IPO7: variants seen among roughly 807,000 people sequenced by gnomAD.
IPO7 encodes the protein importin 7, also known as importin-7.
IPO7 carries 13 observed loss-of-function variants against 136.4 expected under a neutral mutation model. The ratio of observed to expected loss-of-function variants is 0.10; its 90% confidence interval spans 0.06 to 0.15. The LOEUF is 0.15. Among genes scored for constraint, IPO7 ranks in the 10% least tolerant of loss-of-function variants. IPO7 has a pLI of 1.00. For synonymous variants in IPO7, 403 were observed against 404.4 expected, an observed-to-expected ratio of 1.00 and a Z score of 0.04; for missense variants, 857 against 1,240.6, an observed-to-expected ratio of 0.69 and a Z score of 4.65.
At chr11:9,388,369 G>T (rs376119819) in intron 1 of IPO7, among the ~76,000 whole-genome samples, 257 of 151,912 alleles carry the variant, frequency 1.7e-3, no homozygotes, top group African/African-American at 5.3e-3. Context: ...CAGAGATGGG[G>T]TTTTACCATG....
In IPO7 at chr11:9,440,601, A is replaced by G. The variant is rs376191881; in HGVS notation, c.2842A>G (p.Ile948Val). The G allele has an allele frequency of 2.6e-5, 42 of 1,613,996 alleles. No homozygotes were observed. Among genetic ancestry groups the G allele is most frequent in the Middle Eastern group, 1.7e-4 (1 of 6,060 alleles). ...GACTGCTCTGGAAGGCTATTCCACA[A>G]TCATTGATGATGAAGATAACCCTGT... ...EETALEGYST[I>V]IDDEDNPVDE... The change falls in exon 23 of 25, where the codon ATC (isoleucine) becomes GTC (valine). Residue 948 changes from isoleucine (I) to valine (V), a missense_variant. Around this residue, in one of 11 missense-constraint regions of IPO7, gnomAD observed 119 missense variants for 155.5 expected, o/e 0.77. Coordinates refer to ENST00000379719, the MANE Select transcript of IPO7 (RefSeq NM_006391.3).
intron 3 of IPO7, among the ~76,000 whole-genome samples, chr11:9,409,357 C>T (rs1271468761): frequency 6.6e-6 from 1 of 152,124 alleles, no homozygotes; most frequent in African/African-American, 2.4e-5. Flanking sequence ...GATCCACCTG[C>T]CTAGGCCTCA....
chr11:9,446,491 T>G lies in IPO7; in HGVS notation c.*1297T>G, dbSNP rs1855530010. The G allele has an allele frequency of 6.6e-6, 1 of 152,220 alleles. No individual in the cohort carries two copies. Among genetic ancestry groups the G allele is most frequent in the African/African-American group, 2.4e-5 (1 of 41,460 alleles). The allele number at this position is 152,220 out of a possible 1,614,324, so 9.4% of individuals were successfully genotyped here. A position where few individuals can be genotyped will look rare whatever the true frequency, so the allele number is the denominator to read the frequency against. On this transcript the variant is annotated 3_prime_UTR_variant, in exon 25 of 25. Coordinates refer to ENST00000379719, the MANE Select transcript of IPO7 (RefSeq NM_006391.3). ...CAAAAACAAGCCAGCAAAAAGATAC[T>G]GTAGAGAGGTTGGCTTGCTTCCCTC...
In IPO7 at chr11:9,408,218, G is replaced by A. The variant is rs77703888; in HGVS notation, c.167-268G>A. ...AAAACAGGGTTAAAAGTGTTGTGAC[G>A]TTAAAAAAAAACAGTTTTCTCTGGG... On this transcript the variant is annotated intron_variant, in intron 2 of 24. Coordinates refer to ENST00000379719, the MANE Select transcript of IPO7 (RefSeq NM_006391.3). Among the ~76,000 whole-genome samples, 1,406 of 151,822 alleles carry A rather than the reference G, an allele frequency of 9.3e-3. 23 individuals are homozygous for A. Among genetic ancestry groups the A allele is most frequent in the African/African-American group, 0.031 (1,302 of 41,440 alleles).
intron 1 of IPO7, among the ~76,000 whole-genome samples, chr11:9,390,314 A>G (rs1311866888): frequency 6.6e-6 from 1 of 150,490 alleles, no homozygotes; most frequent in East Asian, 1.9e-4. Context: ...TTTTTAACTC[A>G]CACTACCCTG....
At chr11:9,387,692 G>A (rs1462500584) in intron 1 of IPO7, among the ~76,000 whole-genome samples, 1 of 151,934 alleles carries the variant, frequency 6.6e-6, no homozygotes, top group Non-Finnish European at 1.5e-5. Flanking sequence ...TTAGCTGGGC[G>A]CGGTGGCGCA....
intron 8 of IPO7, among the ~76,000 whole-genome samples, chr11:9,421,499 G>C (rs932259206): frequency 6.7e-6 from 1 of 150,172 alleles, no homozygotes; most frequent in African/African-American, 2.5e-5. Context: ...GTGGTGGTGC[G>C]TGCCTGTAAT....
chr11:9,425,139 A>T lies in IPO7; in HGVS notation c.1219-7A>T. On this transcript the variant is annotated splice_polypyrimidine_tract_variant and splice_region_variant and intron_variant, in intron 11 of 24. Transcript: ENST00000379719. ...TTCAGTAACAATACTTTTCTCTTTT[A>T]ATCTAGGTACTGCAAAAGACTATGG... 6.4e-7 allele frequency: 1 copy of T among 1,558,368 alleles called. No individual in the cohort carries two copies. The highest frequency in any genetic ancestry group is 8.8e-7 in the Non-Finnish European group (1 of 1,131,074).
At chr11:9,396,344 C>G (rs536869578) in intron 1 of IPO7, among the ~76,000 whole-genome samples, 1 of 152,112 alleles carries the variant, frequency 6.6e-6, no homozygotes, top group Non-Finnish European at 1.5e-5. Context: ...TGCAGTGAGC[C>G]GAGATTGCGC....
In IPO7 at chr11:9,437,760, C is replaced by T. The variant is rs1855400377; in HGVS notation, c.2275C>T (p.Pro759Ser). The T allele has an allele frequency of 6.2e-7, 1 of 1,610,206 alleles. No homozygotes were observed. Among genetic ancestry groups the T allele is most frequent in the Non-Finnish European group, 8.5e-7 (1 of 1,176,720 alleles). ...CKGRGIDQCI[P>S]LFVEAALERL... is the part of the protein sequence containing the mutation. ...TTGCTATCTTTTTTTGTAGTGCATT[C>T]CCTTATTCGTGGAAGCAGCCTTAGA... The change falls in exon 21 of 25, where the codon CCC becomes TCC. Residue 759 changes from proline to serine, a missense_variant. Transcript: ENST00000379719.
chr11:9,403,382 T>C lies in IPO7; in HGVS notation c.166+11T>C. The C allele has an allele frequency of 6.4e-7, 1 of 1,562,506 alleles. No homozygotes were observed. Among genetic ancestry groups the C allele is most frequent in the South Asian group, 1.1e-5 (1 of 89,686 alleles). ...CTGTGAGACAGGCAGGCAAGTTTCCTAAATTATATTGAGTGTATGTAATCT... is the reference window on the plus strand; with the variant it reads ...CTGTGAGACAGGCAGGCAAGTTTCCCAAATTATATTGAGTGTATGTAATCT... On this transcript the variant is annotated intron_variant, in intron 2 of 24. Coordinates refer to ENST00000379719, the MANE Select transcript of IPO7 (RefSeq NM_006391.3).
intron 2 of IPO7, 45 bp downstream of exon 2, chr11:9,403,416 A>T: frequency 7.0e-7 from 1 of 1,420,512 alleles, no homozygotes; most frequent in Non-Finnish European, 9.9e-7. Context: ...CTATTGTTTA[A>T]AAGGTTCATA....
chr11:9,412,954 A>G (rs1854988618), intron 4 of IPO7, among the ~76,000 whole-genome samples: 3 of 141,812 alleles, frequency 2.1e-5, no homozygotes, highest in African/African-American at 8.1e-5. Flanking sequence ...GCAGTGGCTC[A>G]CTGCAAGCTC....
intron 8 of IPO7, among the ~76,000 whole-genome samples, chr11:9,421,396 A>C (rs924005551): frequency 1.3e-5 from 2 of 151,702 alleles, no homozygotes; most frequent in African/African-American, 4.8e-5. Context: ...TTGGGAGGCC[A>C]GGGCGGGCAG....
chr11:9,420,278 G>C, intron 6 of IPO7, 133 bp from the exon 7 acceptor site: 1 of 616,884 alleles, frequency 1.6e-6, no homozygotes, highest in Non-Finnish European at 2.9e-6. Flanking sequence ...GATGGCAATA[G>C]AGCAAGACTC....
At chr11:9,439,933 A>G (rs1020398303) in intron 22 of IPO7, among the ~76,000 whole-genome samples, 1 of 152,230 alleles carries the variant, frequency 6.6e-6, no homozygotes, top group East Asian at 1.9e-4. Context: ...AATGTTGACT[A>G]AATTTATTGG....
chr11:9,426,306 T>C (rs1334547887), intron 12 of IPO7, among the ~76,000 whole-genome samples: 1 of 152,212 alleles, frequency 6.6e-6, no homozygotes, highest in Non-Finnish European at 1.5e-5. Context: ...TTCTTTCATT[T>C]AGTGTAATGT....
intron 1 of IPO7, among the ~76,000 whole-genome samples, chr11:9,395,610 A>G (rs764977096): frequency 6.6e-6 from 1 of 152,116 alleles, no homozygotes; most frequent in Non-Finnish European, 1.5e-5. Context: ...AGAAATGTGT[A>G]TGGGGCAGCT....
intron 1 of IPO7, 124 bp from the exon 2 acceptor site, chr11:9,403,166 G>A: frequency 1.4e-6 from 1 of 692,532 alleles, no homozygotes. Flanking sequence ...AAATAAGACT[G>A]GAACCAGTTA....
Sources: allele counts gnomAD v4.1 joint callset (sites outside exome capture counted in the v4.1 genomes callset), GRCh38; gene constraint gnomAD v4.1.1; regional missense constraint gnomAD v4.1.1; transcripts MANE v1.5; gene names NCBI Gene and HGNC (gene_info 2026-07-23, HGNC 2026-07-21).